Variants in CAMK1D observed in about 807,000 individuals in gnomAD.
The protein encoded by CAMK1D is calcium/calmodulin-dependent protein kinase type 1D.
In CAMK1D, 9 loss-of-function variants were observed where a neutral mutation model predicts 47.7. The ratio of observed to expected loss-of-function variants is 0.19; its 90% confidence interval spans 0.11 to 0.33. The LOEUF (loss-of-function observed/expected upper bound fraction) is 0.33. Among genes scored for constraint, CAMK1D ranks in the 10% least tolerant of loss-of-function variants. CAMK1D has a pLI of 1.00. For missense variants in CAMK1D, 291 were observed against 488.7 expected (o/e 0.60, Z 3.81); for synonymous variants, 184 against 184.9 (o/e 0.99, Z 0.04).
intron 3 of CAMK1D, among the ~76,000 whole-genome samples, chr10:12,720,141 G>A: frequency 6.6e-6 from 1 of 152,228 alleles, no homozygotes; most frequent in East Asian, 1.9e-4. Context: ...CCTGGAAGGA[G>A]GGATGCCTTT....
chr10:12,684,449 T>C (rs557603562), intron 3 of CAMK1D, among the ~76,000 whole-genome samples: 22 of 152,268 alleles, frequency 1.4e-4, no homozygotes, highest in Admixed American at 1.2e-3. Flanking sequence ...CCAGGTATTT[T>C]AGGTTATAAG....
At chr10:12,585,869 G>T (rs1034996846) in intron 2 of CAMK1D, among the ~76,000 whole-genome samples, 3 of 152,196 alleles carry the variant, frequency 2.0e-5, no homozygotes, top group African/African-American at 7.2e-5. Context: ...CTCCATGGAG[G>T]CTTCTGGACG....
At chr10:12,551,078 A>T (rs919741645) in intron 1 of CAMK1D, among the ~76,000 whole-genome samples, 11 of 152,214 alleles carry the variant, frequency 7.2e-5, no homozygotes, top group African/African-American at 2.4e-4. Flanking sequence ...CCCCTGGGCC[A>T]TGGGCCAATA....
chr10:12,467,294 A>C (rs1977440), intron 1 of CAMK1D, among the ~76,000 whole-genome samples: 40,554 of 151,984 alleles, frequency 0.27, 6,115 homozygotes, highest in Non-Finnish European at 0.33. Context: ...CTGGGATTAC[A>C]GGTAGCTGCC....
rs183033786 is a variant in CAMK1D, at chr10:12,419,862, A to C, written c.92+69952A>C. Among the ~76,000 whole-genome samples the C allele has an allele frequency of 3.3e-5, 5 of 152,332 alleles. No homozygotes were observed. The East Asian group carries it at 9.6e-4, about 29-fold the overall frequency. On this transcript the variant is annotated intron_variant, in intron 1 of 10. Coordinates refer to ENST00000619168, the MANE Select transcript of CAMK1D (RefSeq NM_153498.4). ...GTGGATCCTGTTGTCATAGTGATTT[A>C]ATAAACTAAGTTGAGTTTTTTAGAA...
At chr10:12,397,023 C>T (rs1294549215) in intron 1 of CAMK1D, among the ~76,000 whole-genome samples, 2 of 152,188 alleles carry the variant, frequency 1.3e-5, no homozygotes, top group Admixed American at 6.5e-5. Flanking sequence ...CCTCCGCAGC[C>T]ATTGGTAATC....
At chr10:12,390,509 GTCTT>G (rs1432766736) in intron 1 of CAMK1D, among the ~76,000 whole-genome samples, 1 of 152,148 alleles carries the variant, frequency 6.6e-6, no homozygotes, top group Non-Finnish European at 1.5e-5. Context: ...TCTCTAAACT[GTCTT>G]TATCATCAGG....
At chr10:12,794,652 T>C (rs1255065826) in intron 6 of CAMK1D, among the ~76,000 whole-genome samples, 1 of 152,186 alleles carries the variant, frequency 6.6e-6, no homozygotes, top group East Asian at 1.9e-4. Flanking sequence ...CCCCAGAGAC[T>C]AGTCCCACAT....
chr10:12,446,700 T>TA (rs1832934772), intron 1 of CAMK1D, among the ~76,000 whole-genome samples: 1 of 152,218 alleles, frequency 6.6e-6, no homozygotes, highest in Non-Finnish European at 1.5e-5. Context: ...GTAGCCATGA[T>TA]ATAAATCCTT....
At chr10:12,427,131 T>C (rs1840261609) in intron 1 of CAMK1D, among the ~76,000 whole-genome samples, 1 of 152,202 alleles carries the variant, frequency 6.6e-6, no homozygotes, top group African/African-American at 2.4e-5. Flanking sequence ...ATGCTGTAGA[T>C]GTTTCTCAGG....
At chr10:12,695,498 G>A (rs1833252784) in intron 3 of CAMK1D, among the ~76,000 whole-genome samples, 1 of 152,248 alleles carries the variant, frequency 6.6e-6, no homozygotes, top group Non-Finnish European at 1.5e-5. Flanking sequence ...TGTAGCCACC[G>A]CATTAGAACA....
chr10:12,732,059 T>G (rs1029826663), intron 3 of CAMK1D, among the ~76,000 whole-genome samples: 1 of 152,062 alleles, frequency 6.6e-6, no homozygotes, highest in Admixed American at 6.6e-5. Flanking sequence ...CTGACCAGCA[T>G]GGTGAAACCC....
chr10:12,754,268 G>A (rs1179886690), intron 3 of CAMK1D, among the ~76,000 whole-genome samples: 1 of 152,078 alleles, frequency 6.6e-6, no homozygotes, highest in Non-Finnish European at 1.5e-5. Flanking sequence ...CCCTTTTGAA[G>A]TCTTCCAAAG....
rs1214453842 is a variant in CAMK1D at position 12,694,252 on chromosome 10, ATG to A, written c.299+27444_299+27445del. On this transcript the variant is annotated intron_variant, in intron 3 of 10. Coordinates refer to ENST00000619168, the MANE Select transcript of CAMK1D (RefSeq NM_153498.4). ...TTATGTATAATATATAATATATATTATGTATAATATATAATATATATTATACA... is the reference window on the plus strand; with the variant it reads ...TTATGTATAATATATAATATATATTATATAATATATAATATATATTATACA... Among the ~76,000 whole-genome samples, 77 of 74,216 alleles carry A rather than the reference ATG, an allele frequency of 1.0e-3. 14 individuals are homozygous for A. The highest frequency in any genetic ancestry group is 2.2e-3 in the African/African-American group (40 of 18,020). 48.7% of individuals were successfully genotyped at this position (74,216 alleles called of 152,430 possible).
intron 3 of CAMK1D, among the ~76,000 whole-genome samples, chr10:12,751,111 GATAAGATA>G (rs1835953529): frequency 3.8e-5 from 4 of 105,160 alleles, no homozygotes; most frequent in East Asian, 2.6e-4. Context: ...GATAAGATAA[GATAAGATA>G]AGATAAGAAG....
chr10:12,780,989 G>A (rs1474111567), intron 5 of CAMK1D, among the ~76,000 whole-genome samples: 1 of 152,218 alleles, frequency 6.6e-6, no homozygotes, highest in African/African-American at 2.4e-5. Flanking sequence ...CTGACTCATC[G>A]CACGTGGGCG....
chr10:12,401,874 G>A (rs1588445705), intron 1 of CAMK1D, among the ~76,000 whole-genome samples: 1 of 138,882 alleles, frequency 7.2e-6, no homozygotes. Context: ...TTGGTTGTCC[G>A]GGAATATATA....
Position 12,349,925 on chromosome 10 carries a change from G to T in CAMK1D, c.92+15G>T. ...ACCCTCGGAACGTAAGTGGGGACCG[G>T]GGAGGCGAGGGTGGAGGTGGCCGCG... On this transcript the variant is annotated intron_variant, in intron 1 of 10. Coordinates refer to ENST00000619168, the MANE Select transcript of CAMK1D (RefSeq NM_153498.4). 6.7e-7 allele frequency: 1 copy of T among 1,502,418 alleles called. No homozygotes were observed. The highest frequency in any genetic ancestry group is 9.0e-7 in the Non-Finnish European group (1 of 1,112,248). The allele number at this position is 1,502,418 out of a possible 1,614,324, so 93.1% of individuals were successfully genotyped here. A position where few individuals can be genotyped will look rare whatever the true frequency, so the allele number is the denominator to read the frequency against.
At chr10:12,757,930 C>T (rs539963446) in intron 3 of CAMK1D, among the ~76,000 whole-genome samples, 8 of 149,144 alleles carry the variant, frequency 5.4e-5, no homozygotes, top group Non-Finnish European at 1.0e-4. Context: ...CGGCTCACCG[C>T]AATCTCTGCC....
Sources: gnomAD v4.1 joint callset for allele counts (sites outside exome capture counted in the v4.1 genomes callset) on GRCh38, gnomAD v4.1.1 for gene constraint, MANE v1.5 for transcripts, NCBI Gene and HGNC (gene_info 2026-07-23, HGNC 2026-07-21) for gene names.